UTS2B: variants seen among roughly 807,000 people sequenced by gnomAD.
UTS2B encodes urotensin-2B.
UTS2B carries 21 observed loss-of-function variants against 19.2 expected under a neutral mutation model. That is an observed-to-expected ratio of 1.09 (90% CI 0.78 to 1.58). UTS2B has a LOEUF of 1.58. Ranked by LOEUF, UTS2B falls within the 40% of genes most tolerant of loss-of-function variation. UTS2B has a pLI of 0.00. For synonymous variants in UTS2B, 57 were observed against 50.2 expected (o/e 1.14, Z -0.58); for missense variants, 138 against 130.3 (o/e 1.06, Z -0.29).
At chr3:191,288,654 T>C (rs1716622164) in intron 4 of UTS2B, among the ~76,000 whole-genome samples, 1 of 143,982 alleles carries the variant, frequency 6.9e-6, no homozygotes, top group African/African-American at 2.5e-5. Context: ...GGCCTGATAC[T>C]GTAAATCTAC....
the UTS2B span, among the ~76,000 whole-genome samples, chr3:191,338,794 G>A: frequency 1.3e-5 from 2 of 152,248 alleles, no homozygotes; most frequent in South Asian, 2.1e-4. Context: ...TGTTGTGATT[G>A]ACAACACCTG....
upstream of UTS2B, among the ~76,000 whole-genome samples, chr3:191,330,764 G>A (rs886702253): frequency 6.6e-6 from 1 of 152,168 alleles, no homozygotes; most frequent in Non-Finnish European, 1.5e-5. Context: ...GGTCTTGTGT[G>A]TGCTCAGGCC....
chr3:191,305,073 G>C (rs1160553469), intron 3 of UTS2B, among the ~76,000 whole-genome samples: 1 of 152,104 alleles, frequency 6.6e-6, no homozygotes, highest in Non-Finnish European at 1.5e-5. Context: ...TATTATTGAT[G>C]GGCATTTAGG....
chr3:191,303,928 A>G (rs1356006109), intron 4 of UTS2B, among the ~76,000 whole-genome samples: 2 of 152,108 alleles, frequency 1.3e-5, no homozygotes, highest in African/African-American at 4.8e-5. Context: ...AGACTCTTCA[A>G]TGGGGAAGGA....
intron 4 of UTS2B, among the ~76,000 whole-genome samples, chr3:191,283,927 C>T (rs754281992): frequency 2.0e-5 from 3 of 151,962 alleles, no homozygotes; most frequent in Non-Finnish European, 4.4e-5. Flanking sequence ...TTTCTAAGCT[C>T]TATTTTTAAA....
At chr3:191,277,334 T>C (rs1375788377) in intron 6 of UTS2B, among the ~76,000 whole-genome samples, 1 of 152,076 alleles carries the variant, frequency 6.6e-6, no homozygotes, top group Non-Finnish European at 1.5e-5. Context: ...AATATATTAC[T>C]TTTAGTTTAA....
rs76278936 is a variant in UTS2B, at chr3:191,318,416, G to A, written c.-585-1977C>T. Reference sequence around the variant, plus strand: ...CTCCTGCAGAAAAGTTGACTGAATGGTTCATCCTTTAAATTGGGTTGCAAT... The same window carrying A: ...CTCCTGCAGAAAAGTTGACTGAATGATTCATCCTTTAAATTGGGTTGCAAT... On this transcript the variant is annotated intron_variant, in intron 2 of 8. Transcript: ENST00000340524. Among the ~76,000 whole-genome samples, 921 of 150,288 alleles carry A rather than the reference G, an allele frequency of 6.1e-3. 5 individuals are homozygous for A. Among genetic ancestry groups the A allele is most frequent in the Non-Finnish European group, 8.8e-3 (594 of 67,726 alleles).
chr3:191,305,880 C>A (rs529390757), intron 3 of UTS2B, among the ~76,000 whole-genome samples: 1 of 152,150 alleles, frequency 6.6e-6, no homozygotes, highest in African/African-American at 2.4e-5. Context: ...TTTCTGCATA[C>A]GGCTAGTCAG....
In UTS2B at chr3:191,322,939, G is replaced by A. The variant is rs541147698; in HGVS notation, c.-586+5692C>T. Among the ~76,000 whole-genome samples the A allele has an allele frequency of 3.3e-5, 5 of 152,208 alleles. No homozygotes were observed. In the South Asian group the frequency reaches 1.0e-3, roughly 32 times the overall value. On this transcript the variant is annotated intron_variant, in intron 2 of 8. Transcript: ENST00000340524. ...CTGCCCACCATCCAGAAACTAAAAG[G>A]TAACAATTGGAACAGAAGAAAGCCC...
At chr3:191,281,585 C>T (rs1716386202) in intron 5 of UTS2B, among the ~76,000 whole-genome samples, 1 of 151,268 alleles carries the variant, frequency 6.6e-6, no homozygotes, top group Admixed American at 6.6e-5. Context: ...CCTGAAACTG[C>T]TATGATTTCC....
At chr3:191,271,256 T>A (rs886251785) in intron 8 of UTS2B, among the ~76,000 whole-genome samples, 3 of 135,946 alleles carry the variant, frequency 2.2e-5, no homozygotes, top group Non-Finnish European at 4.7e-5. Context: ...ACTCACCAGA[T>A]CACCCCATCC....
At chr3:191,273,871 G>A (rs1017241985) in intron 8 of UTS2B, among the ~76,000 whole-genome samples, 2 of 152,130 alleles carry the variant, frequency 1.3e-5, no homozygotes, top group Non-Finnish European at 2.9e-5. Context: ...AGCACATTTT[G>A]TTGACTTTTA....
At chr3:191,314,880 G>A (rs1717403612) in intron 3 of UTS2B, among the ~76,000 whole-genome samples, 1 of 152,130 alleles carries the variant, frequency 6.6e-6, no homozygotes, top group South Asian at 2.1e-4. Context: ...GGAGGGCATG[G>A]AAATTTTGTT....
At chr3:191,284,025 G>A (rs1716464283) in intron 4 of UTS2B, among the ~76,000 whole-genome samples, 1 of 152,006 alleles carries the variant, frequency 6.6e-6, no homozygotes, top group African/African-American at 2.4e-5. Flanking sequence ...ATAATTACAA[G>A]TCATATACTT....
At chr3:191,324,513 G>A (rs1395804433) in intron 2 of UTS2B, among the ~76,000 whole-genome samples, 1 of 152,128 alleles carries the variant, frequency 6.6e-6, no homozygotes, top group African/African-American at 2.4e-5. Context: ...TCCTGACAGT[G>A]AATAAGTGTC....
At chr3:191,331,519 G>T (rs1445172012), upstream of UTS2B, among the ~76,000 whole-genome samples, 1 of 152,090 alleles carries the variant, frequency 6.6e-6, no homozygotes, top group Non-Finnish European at 1.5e-5. Context: ...TCTCTTTTAT[G>T]TAATCTGGTA....
intron 3 of UTS2B, among the ~76,000 whole-genome samples, chr3:191,307,852 T>C (rs1390870298): frequency 7.1e-6 from 1 of 141,476 alleles, no homozygotes; most frequent in African/African-American, 2.6e-5. Flanking sequence ...TTTTTTTTTT[T>C]TGAGTCAGAG....
rs144170970 is a variant in UTS2B at position 191,323,951 on chromosome 3, G to A, written c.-586+4680C>T. ...GTGAAATACCCTGAGAGGAGTTGGC[G>A]GAGATGGTGCGATGGCTTGAATGTT... On this transcript the variant is annotated intron_variant, in intron 2 of 8. Transcript: ENST00000340524. Among the ~76,000 whole-genome samples, 274 of 152,284 alleles carry A rather than the reference G, an allele frequency of 1.8e-3. 4 individuals are homozygous for A. The highest frequency in any genetic ancestry group is 6.0e-3 in the African/African-American group (250 of 41,544).
chr3:191,284,724 T>C (rs942073359), intron 4 of UTS2B, among the ~76,000 whole-genome samples: 1 of 151,802 alleles, frequency 6.6e-6, no homozygotes, highest in Non-Finnish European at 1.5e-5. Flanking sequence ...TTCATATTTA[T>C]AATTTTGTTT....
Sources: gnomAD v4.1 joint callset for allele counts (sites outside exome capture counted in the v4.1 genomes callset) on GRCh38, gnomAD v4.1.1 for gene constraint, MANE v1.5 for transcripts, NCBI Gene and HGNC (gene_info 2026-07-23, HGNC 2026-07-21) for gene names.